Variants in CDC42 observed in about 807,000 individuals in gnomAD.
CDC42 encodes the protein cell division control protein 42 homolog.
Under a neutral mutation model 20.8 loss-of-function variants are expected in CDC42, and 1 was observed. The ratio of observed to expected loss-of-function variants is 0.05; its 90% CI spans 0.02 to 0.23. The LOEUF is 0.23. CDC42 is among the 10% of genes least tolerant of loss of function. The pLI is 1.00. For synonymous variants in CDC42, 72 were observed against 84.8 expected, an observed-to-expected ratio of 0.85 and a Z score of 0.83; for missense variants, 49 against 227.9, an observed-to-expected ratio of 0.21 and a Z score of 5.05.
intron 1 of CDC42, among the ~76,000 whole-genome samples, chr1:22,075,633 T>G (rs1645540595): frequency 6.6e-6 from 1 of 152,238 alleles, no homozygotes; most frequent in Admixed American, 6.5e-5. Flanking sequence ...GACTAATAAT[T>G]AACATGTACT....
chr1:22,078,873 T>G (rs1298619315), intron 2 of CDC42: 1 of 1,297,498 alleles, frequency 7.7e-7, no homozygotes, highest in Non-Finnish European at 9.8e-7. Context: ...CCCTACATCT[T>G]GGAATGAGGT....
chr1:22,095,910 G>C lies in CDC42; in HGVS notation c.*4393G>C, dbSNP rs570381615. 6.6e-6 allele frequency among the ~76,000 whole-genome samples: 1 copy of C among 152,124 alleles called. No homozygotes were observed. Among genetic ancestry groups the C allele is most frequent in the Non-Finnish European group, 1.5e-5 (1 of 68,030 alleles). ...CATTGCCCAGAGATGGCATATAGCCGATCCCAAGTCAGTGCTATTCATTCA... is the reference window on the plus strand; with the variant it reads ...CATTGCCCAGAGATGGCATATAGCCCATCCCAAGTCAGTGCTATTCATTCA... On this transcript the variant is annotated 3_prime_UTR_variant, in exon 6 of 6. Transcript: ENST00000656825.
At chr1:22,079,724 A>G (rs1297818001) in intron 2 of CDC42, among the ~76,000 whole-genome samples, 6 of 152,194 alleles carry the variant, frequency 3.9e-5, no homozygotes, top group African/African-American at 1.2e-4. Context: ...TTAGAGGTAC[A>G]TGAATCTTGT....
rs72879211 is a variant in CDC42, at chr1:22,069,023, T to C, written c.-50-9406T>C. Among the ~76,000 whole-genome samples the C allele has an allele frequency of 5.0e-3, 763 of 152,254 alleles. 6 individuals are homozygous for C. The highest frequency in any genetic ancestry group is 0.017 in the African/African-American group (693 of 41,546). On this transcript the variant is annotated intron_variant, in intron 1 of 5. Transcript: ENST00000656825. ...AGGGCGTGAACTTTGTTATGTGAATTGTGGGGTGTGCCTACGTATAGGACA... is the reference window on the plus strand; with the variant it reads ...AGGGCGTGAACTTTGTTATGTGAATCGTGGGGTGTGCCTACGTATAGGACA...
chr1:22,081,055 G>T (rs1278876172), intron 2 of CDC42, among the ~76,000 whole-genome samples: 1 of 152,162 alleles, frequency 6.6e-6, no homozygotes, highest in African/African-American at 2.4e-5. Context: ...TGTAGTCCCA[G>T]CTACTCAGGA....
chr1:22,099,121 G>C lies in CDC42; in HGVS notation c.*7604G>C, dbSNP rs1399365100. Among the ~76,000 whole-genome samples, 1 of 152,210 alleles carries C rather than the reference G, an allele frequency of 6.6e-6. No individual in the cohort carries two copies. Among genetic ancestry groups the C allele is most frequent in the Non-Finnish European group, 1.5e-5 (1 of 68,036 alleles). On this transcript the variant is annotated 3_prime_UTR_variant, in exon 6 of 6. Coordinates refer to ENST00000656825, the MANE Select transcript of CDC42 (RefSeq NM_001791.4). ...CCCAGGCATGTTTGCAGAGTGGCTGGGGGCCCTGCTTCACCACGGCATAGG... is the reference window on the plus strand; with the variant it reads ...CCCAGGCATGTTTGCAGAGTGGCTGCGGGCCCTGCTTCACCACGGCATAGG...
At position 22,094,354 on chromosome 1, in the gene CDC42, G is replaced by A. The variant is rs1645742252; in HGVS notation, c.*2837G>A. Among the ~76,000 whole-genome samples the A allele has an allele frequency of 9.7e-6, 1 of 102,666 alleles. No homozygotes were observed. The highest frequency in any genetic ancestry group is 1.8e-5 in the Non-Finnish European group (1 of 56,246). The allele number at this position is 102,666 out of a possible 152,430, so 67.4% of individuals were successfully genotyped here. On this transcript the variant is annotated 3_prime_UTR_variant, in exon 6 of 6. Coordinates refer to ENST00000656825, the MANE Select transcript of CDC42 (RefSeq NM_001791.4). Reference sequence around the variant, plus strand: ...GCTCTGTCGCCCAGGCTGGAGTGCAGTGGCGCGATCTCGGCTCACTGCAAG... The same window carrying A: ...GCTCTGTCGCCCAGGCTGGAGTGCAATGGCGCGATCTCGGCTCACTGCAAG...
chr1:22,093,256 T>C lies in CDC42; in HGVS notation c.*1739T>C, dbSNP rs915416405. ...GAAATGTCAGTGTACCTTTAATCCA[T>C]AGATCATTGAAAAGCAGCTCATTTT... is the stretch of plus-strand genomic sequence containing the variant. On this transcript the variant is annotated 3_prime_UTR_variant, in exon 6 of 6. Coordinates refer to ENST00000656825, the MANE Select transcript of CDC42 (RefSeq NM_001791.4). 1.3e-5 allele frequency among the ~76,000 whole-genome samples: 2 copies of C among 152,162 alleles called. No individual in the cohort carries two copies. Among genetic ancestry groups the C allele is most frequent in the African/African-American group, 4.8e-5 (2 of 41,440 alleles).
At chr1:22,082,905 G>A (rs1347467995) in intron 3 of CDC42, among the ~76,000 whole-genome samples, 3 of 143,014 alleles carry the variant, frequency 2.1e-5, no homozygotes, top group African/African-American at 5.2e-5. Context: ...TTGAGATGGA[G>A]TTTTGCTGTT....
intron 1 of CDC42, chr1:22,053,234 G>A (rs1645256596): frequency 6.6e-6 from 1 of 151,148 alleles, no homozygotes; most frequent in African/African-American, 2.4e-5. Context: ...TGCTTCGCCG[G>A]GCGCCGCCGC....
chr1:22,076,504 A>G lies in CDC42; in HGVS notation c.-50-1925A>G, dbSNP rs1645552118. Among the ~76,000 whole-genome samples, 3 of 152,284 alleles carry G rather than the reference A, an allele frequency of 2.0e-5. No individual in the cohort carries two copies. In the South Asian group the frequency reaches 6.2e-4, roughly 32 times the overall value. On this transcript the variant is annotated intron_variant, in intron 1 of 5. Transcript: ENST00000656825. ...CTTGGGTTTAAATTACAGTTCTCCC[A>G]GTTACTGGCTGAATAGCCTTGGCTT...
intron 1 of CDC42, among the ~76,000 whole-genome samples, chr1:22,076,153 A>T (rs1570009218): frequency 6.6e-6 from 1 of 152,124 alleles, no homozygotes; most frequent in East Asian, 1.9e-4. Context: ...GTGTAATGTA[A>T]TGTTTATCAA....
At position 22,096,400 on chromosome 1, in the gene CDC42, G is replaced by A. The variant is rs1412894980; in HGVS notation, c.*4883G>A. 6.6e-6 allele frequency among the ~76,000 whole-genome samples: 1 copy of A among 152,144 alleles called. No homozygotes were observed. Among genetic ancestry groups the A allele is most frequent in the Non-Finnish European group, 1.5e-5 (1 of 68,026 alleles). ...TTTTCTTTCCCTTACAGTTTTGATAGCTGCTTTCTCTTGAATAACTATGTC... is the reference window on the plus strand; with the variant it reads ...TTTTCTTTCCCTTACAGTTTTGATAACTGCTTTCTCTTGAATAACTATGTC... On this transcript the variant is annotated 3_prime_UTR_variant, in exon 6 of 6. Transcript: ENST00000656825.
intron 1 of CDC42, chr1:22,053,263 G>A (rs1645257115): frequency 6.6e-6 from 1 of 151,234 alleles, no homozygotes; most frequent in African/African-American, 2.4e-5. Flanking sequence ...TGCGGCGGGG[G>A]TGGGGGGGCG....
chr1:22,075,144 ACTC>A lies in CDC42; in HGVS notation c.-50-3283_-50-3281del, dbSNP rs1645534448. Among the ~76,000 whole-genome samples, 16 of 152,238 alleles carry A rather than the reference ACTC, an allele frequency of 1.1e-4. No individual in the cohort carries two copies. The South Asian group carries it at 3.1e-3, about 30-fold the overall frequency. On this transcript the variant is annotated intron_variant, in intron 1 of 5. Coordinates refer to ENST00000656825, the MANE Select transcript of CDC42 (RefSeq NM_001791.4). ...GTGATGTGAAACTTTAGCATGAGTA[ACTC>A]CGTTTTGATTTTTAGTCTGGTCACT... is the stretch of plus-strand genomic sequence containing the variant.
intron 3 of CDC42, among the ~76,000 whole-genome samples, chr1:22,083,122 C>T (rs531697081): frequency 1.4e-3 from 212 of 152,040 alleles, no homozygotes; most frequent in African/African-American, 4.9e-3. Flanking sequence ...CTCAGGTGAT[C>T]CGCCCGCCTT....
Position 22,092,899 on chromosome 1 carries a change from T to C in CDC42, c.*1382T>C, listed in dbSNP as rs1343914240. The C allele has an allele frequency of 6.6e-6, 1 of 152,638 alleles. No individual in the cohort carries two copies. Among genetic ancestry groups the C allele is most frequent in the Non-Finnish European group, 1.5e-5 (1 of 68,034 alleles). 9.5% of individuals were successfully genotyped at this position (152,638 alleles called of 1,614,324 possible). ...TGCTTTCTCATGTCTCAATTCTTTG[T>C]ATATGCATTCTTTTCAGATGTATTA... On this transcript the variant is annotated 3_prime_UTR_variant, in exon 6 of 6. Transcript: ENST00000656825.
intron 1 of CDC42, among the ~76,000 whole-genome samples, chr1:22,071,305 A>C (rs1381892977): frequency 1.3e-5 from 2 of 151,998 alleles, no homozygotes; most frequent in African/African-American, 2.4e-5. Context: ...CGGCCTCCCA[A>C]AGTGCTGGGA....
At chr1:22,088,380 A>AT (rs1444845388) in intron 5 of CDC42, among the ~76,000 whole-genome samples, 2 of 152,224 alleles carry the variant, frequency 1.3e-5, no homozygotes, top group Non-Finnish European at 2.9e-5. Flanking sequence ...TTAATGTAAG[A>AT]TTTTTACAGT....
Sources: allele counts gnomAD v4.1 joint callset (sites outside exome capture counted in the v4.1 genomes callset), GRCh38; gene constraint gnomAD v4.1.1; transcripts MANE v1.5; gene names NCBI Gene and HGNC (gene_info 2026-07-23, HGNC 2026-07-21).